The following LRP1B variants were observed in gnomAD, a reference collection of about 807,000 sequenced individuals.
LRP1B encodes LDL receptor related protein 1B, also known as low-density lipoprotein receptor-related protein 1B.
In LRP1B, 217 loss-of-function variants were observed where a neutral mutation model predicts 556.6. That is an observed-to-expected ratio of 0.39 (90% CI 0.35 to 0.44). The LOEUF is 0.44. Ranked by LOEUF, LRP1B falls within the 20% of genes least tolerant of loss-of-function variation. LRP1B has a pLI of 1.00. For missense variants in LRP1B, 5,053 were observed against 5,620.8 expected, an observed-to-expected ratio of 0.90 and a Z score of 3.23; for synonymous variants, 2,047 against 1,865.8, an observed-to-expected ratio of 1.10 and a Z score of -2.50.
At chr2:141,322,629 A>C (rs1386490442) in intron 3 of LRP1B, among the ~76,000 whole-genome samples, 2 of 152,056 alleles carry the variant, frequency 1.3e-5, no homozygotes, top group Middle Eastern at 3.2e-3. Flanking sequence ...CGTATTTTCC[A>C]ATACCCTAAA....
At chr2:141,475,713 G>C (rs770560640) in intron 3 of LRP1B, among the ~76,000 whole-genome samples, 13 of 152,102 alleles carry the variant, frequency 8.5e-5, no homozygotes, top group Non-Finnish European at 1.2e-4. Flanking sequence ...GTGAGGCAGA[G>C]AAGGAGAGAA....
chr2:140,951,142 T>C (rs1010075059), intron 19 of LRP1B, among the ~76,000 whole-genome samples: 1 of 152,132 alleles, frequency 6.6e-6, no homozygotes, highest in Admixed American at 6.6e-5. Flanking sequence ...AGTTCTCATG[T>C]CCCATAGTTT....
At chr2:140,931,415 T>A (rs1695045456) in intron 20 of LRP1B, among the ~76,000 whole-genome samples, 3 of 151,962 alleles carry the variant, frequency 2.0e-5, no homozygotes, top group Admixed American at 2.0e-4. Context: ...ATTATCCTGA[T>A]AAGATATTGG....
intron 59 of LRP1B, among the ~76,000 whole-genome samples, chr2:140,480,088 C>T (rs1448872940): frequency 1.3e-5 from 2 of 152,098 alleles, no homozygotes; most frequent in Non-Finnish European, 2.9e-5. Flanking sequence ...AAGACATGAC[C>T]TTTGTGCTAA....
intron 41 of LRP1B, among the ~76,000 whole-genome samples, chr2:140,670,338 A>T (rs1182153695): frequency 6.6e-6 from 1 of 152,202 alleles, no homozygotes; most frequent in Non-Finnish European, 1.5e-5. Flanking sequence ...TGACAAAAAA[A>T]GGTAGAAAGA....
intron 43 of LRP1B, among the ~76,000 whole-genome samples, chr2:140,564,995 A>C (rs925004707): frequency 6.6e-6 from 1 of 152,012 alleles, no homozygotes; most frequent in Admixed American, 6.6e-5. Context: ...CTGCAATTTA[A>C]GAAGATAGTA....
At chr2:140,234,494 G>C (rs1486963) in intron 90 of LRP1B, among the ~76,000 whole-genome samples, 46,380 of 151,104 alleles carry the variant, frequency 0.31, 7,336 homozygotes, top group Middle Eastern at 0.39. Flanking sequence ...TTTCTGGCTA[G>C]AGCTTCTTTG....
Position 140,514,846 on chromosome 2 carries a change from C to T in LRP1B, c.8150-74G>A. 3 of 1,297,738 alleles carry T rather than the reference C, an allele frequency of 2.3e-6. No homozygotes were observed. In the South Asian group the frequency reaches 5.9e-5, roughly 25 times the overall value. The allele number at this position is 1,297,738 out of a possible 1,614,324, so 80.4% of individuals were successfully genotyped here. ...CAACAGATCCGACAGTGAGAAGATT[C>T]TTTCTTAGACTTTGCTAAAATCAAC... On this transcript the variant is annotated intron_variant, in intron 50 of 90. Transcript: ENST00000389484.
At chr2:141,647,031 G>A (rs1488763314) in intron 2 of LRP1B, among the ~76,000 whole-genome samples, 1 of 152,092 alleles carries the variant, frequency 6.6e-6, no homozygotes, top group East Asian at 1.9e-4. Context: ...TGGCTGGTAA[G>A]ACTTCAAAGG....
chr2:141,857,273 C>T lies in LRP1B; in HGVS notation c.83-46872G>A, dbSNP rs748856174. Among the ~76,000 whole-genome samples, 30 of 151,982 alleles carry T rather than the reference C, an allele frequency of 2.0e-4. 1 individual carries two copies. Among genetic ancestry groups the T allele is most frequent in the Middle Eastern group, 3.4e-3 (1 of 294 alleles). On this transcript the variant is annotated intron_variant, in intron 1 of 90. Coordinates refer to ENST00000389484, the MANE Select transcript of LRP1B (RefSeq NM_018557.3). ...AGATATTATTTCAAGCCTTCATTAT[C>T]ATACAATTAGAAGGTTGCAGTTGAT...
chr2:141,799,641 T>G (rs1038620999), intron 2 of LRP1B, among the ~76,000 whole-genome samples: 1 of 152,096 alleles, frequency 6.6e-6, no homozygotes, highest in Admixed American at 6.6e-5. Context: ...GCCTTATGGA[T>G]CCTCACTTCT....
chr2:140,970,638 G>C lies in LRP1B; in HGVS notation c.2887+11522C>G, dbSNP rs189773441. Among the ~76,000 whole-genome samples the C allele has an allele frequency of 4.2e-3, 630 of 148,620 alleles. 5 individuals are homozygous for C. The highest frequency in any genetic ancestry group is 0.015 in the African/African-American group (590 of 40,684). On this transcript the variant is annotated intron_variant, in intron 18 of 90. Coordinates refer to ENST00000389484, the MANE Select transcript of LRP1B (RefSeq NM_018557.3). ...CACTCATGCTGGGAGCTGCAGACTG[G>C]AGCTGTTCCTATTTGGCCATCTTGG...
At chr2:140,328,349 A>ATATC (rs138260077) in intron 79 of LRP1B, among the ~76,000 whole-genome samples, 3,498 of 152,090 alleles carry the variant, frequency 0.023, 49 homozygotes, top group Non-Finnish European at 0.023. Context: ...CATTTTCAGT[A>ATATC]TATCTCCCTT....
At chr2:141,841,163 G>C (rs1697458979) in intron 1 of LRP1B, among the ~76,000 whole-genome samples, 1 of 152,090 alleles carries the variant, frequency 6.6e-6, no homozygotes, top group South Asian at 2.1e-4. Flanking sequence ...CTTGAACCAA[G>C]GATAAGTAAT....
intron 41 of LRP1B, among the ~76,000 whole-genome samples, chr2:140,680,645 A>T (rs1033138952): frequency 3.3e-5 from 5 of 152,188 alleles, no homozygotes; most frequent in Non-Finnish European, 7.3e-5. Flanking sequence ...ACATTGCATC[A>T]TCATGAGTGA....
At chr2:140,997,647 T>C (rs1697285149) in intron 15 of LRP1B, among the ~76,000 whole-genome samples, 1 of 151,982 alleles carries the variant, frequency 6.6e-6, no homozygotes, top group African/African-American at 2.4e-5. Context: ...AAAAATAAAA[T>C]AAAATGTCTT....
chr2:140,710,395 TG>T (rs1429979348), intron 37 of LRP1B, among the ~76,000 whole-genome samples: 1 of 151,992 alleles, frequency 6.6e-6, no homozygotes, highest in Non-Finnish European at 1.5e-5. Context: ...TAGGAGGACA[TG>T]TTAAGTTTCA....
At chr2:140,870,541 A>G (rs1693096233) in intron 25 of LRP1B, among the ~76,000 whole-genome samples, 1 of 152,018 alleles carries the variant, frequency 6.6e-6, no homozygotes, top group Non-Finnish European at 1.5e-5. Flanking sequence ...CTGCCAGTTT[A>G]TTTCAGGACA....
intron 2 of LRP1B, among the ~76,000 whole-genome samples, chr2:141,486,741 T>C (rs1253104697): frequency 2.6e-5 from 4 of 152,150 alleles, no homozygotes; most frequent in Admixed American, 1.3e-4. Flanking sequence ...TCTGAACTTA[T>C]GCCCAAGAAT....
Sources: gnomAD v4.1 joint callset for allele counts (sites outside exome capture counted in the v4.1 genomes callset) on GRCh38, gnomAD v4.1.1 for gene constraint, MANE v1.5 for transcripts, NCBI Gene and HGNC (gene_info 2026-07-23, HGNC 2026-07-21) for gene names.